Variants in SELP observed in about 807,000 individuals in gnomAD.
SELP encodes the protein P-selectin.
In SELP, 92 loss-of-function variants were observed where a neutral mutation model predicts 104.1. The ratio of observed to expected loss-of-function variants is 0.88; its 90% CI spans 0.75 to 1.05. The LOEUF is 1.05. SELP is among the 50% of genes least tolerant of loss of function. The pLI, the probability that SELP is intolerant of heterozygous loss-of-function variation, is 0.00. For synonymous variants in SELP, 397 were observed against 364.5 expected, an observed-to-expected ratio of 1.09 and a Z score of -1.01; for missense variants, 1,022 against 1,017.3, an observed-to-expected ratio of 1.00 and a Z score of -0.06.
intron 6 of SELP, 142 bp from the exon 7 acceptor site, chr1:169,611,819 G>A (rs1662552462): frequency 6.2e-6 from 5 of 800,582 alleles, no homozygotes; most frequent in Admixed American, 2.8e-5. Context: ...TGTTTGTCCA[G>A]ACTTGGATTA....
Position 169,606,980 on chromosome 1 carries a change from T to C in SELP, c.1488A>G (p.Gly496=), listed in dbSNP as rs1662234727. The change falls in exon 9 of 17, where the codon GGA becomes GGG. Residue 496 remains glycine, a synonymous_variant. Coordinates refer to ENST00000263686, the MANE Select transcript of SELP (RefSeq NM_003005.4). ...GASVLQCLAT[G]NWNSVPPECQ... ...ATTCTGGAGGAACAGAATTCCAGTT[T>C]CCAGTAGCCAAGCACTGTAGCACAC... The C allele has an allele frequency of 2.5e-6, 4 of 1,613,542 alleles. No homozygotes were observed. The highest frequency in any genetic ancestry group is 3.4e-6 in the Non-Finnish European group (4 of 1,179,732).
chr1:169,622,712 A>T (rs569461244), intron 1 of SELP, among the ~76,000 whole-genome samples: 160 of 152,248 alleles, frequency 1.1e-3, no homozygotes, highest in Non-Finnish European at 2.0e-3. Flanking sequence ...TTACAGTTGT[A>T]GAAAATTGAA....
chr1:169,600,861 A>G (rs1339068033), intron 10 of SELP, among the ~76,000 whole-genome samples: 1 of 152,210 alleles, frequency 6.6e-6, no homozygotes, highest in Non-Finnish European at 1.5e-5. Flanking sequence ...GGATCAGTCA[A>G]GGTTGATAAT....
intron 1 of SELP, among the ~76,000 whole-genome samples, chr1:169,627,897 T>C (rs541789302): frequency 6.6e-6 from 1 of 152,296 alleles, no homozygotes; most frequent in African/African-American, 2.4e-5. Flanking sequence ...ACTAAAACTT[T>C]TTTTTTGTTT....
chr1:169,617,044 G>A lies in SELP; in HGVS notation c.465C>T (p.His155=), dbSNP rs567520365. The change falls in exon 3 of 17, where the codon CAC becomes CAT. Residue 155 remains histidine, a synonymous_variant. Coordinates refer to ENST00000263686, the MANE Select transcript of SELP (RefSeq NM_003005.4). ...AGGCCCTACCTGTGTAACACAATGC[G>A]TGCTTTTTCTTCAAGCAGTGCTCAT... ...WNDEHCLKKK[H]ALCYTASCQD... 197 of 1,611,050 alleles carry A rather than the reference G, an allele frequency of 1.2e-4. 6 individuals are homozygous for A. In the South Asian group the frequency reaches 1.6e-3, roughly 13 times the overall value.
chr1:169,622,140 A>T (rs1663166485), intron 1 of SELP, among the ~76,000 whole-genome samples: 1 of 152,246 alleles, frequency 6.6e-6, no homozygotes, highest in Non-Finnish European at 1.5e-5. Flanking sequence ...TTGCCTTTGG[A>T]TATAAATACA....
At chr1:169,593,571 C>T (rs1661443546) in intron 14 of SELP, 34 bp downstream of exon 14, 1 of 1,597,762 alleles carries the variant, frequency 6.3e-7, no homozygotes, top group African/African-American at 1.3e-5. Flanking sequence ...ATTTATGTAA[C>T]CAAGATGCAA....
At chr1:169,611,798 G>A (rs1032013631) in intron 6 of SELP, 121 bp from the exon 7 acceptor site, 2 of 935,826 alleles carry the variant, frequency 2.1e-6, no homozygotes, top group African/African-American at 3.3e-5. Context: ...AAGGTCAAGA[G>A]ACCCTAATGA....
intron 3 of SELP, among the ~76,000 whole-genome samples, chr1:169,615,549 C>G (rs532982094): frequency 2.0e-5 from 3 of 152,154 alleles, no homozygotes; most frequent in Admixed American, 6.5e-5. Flanking sequence ...CATATTGAAA[C>G]AGCTAGTGGC....
At chr1:169,609,169 A>G (rs1662356873) in intron 8 of SELP, among the ~76,000 whole-genome samples, 1 of 152,180 alleles carries the variant, frequency 6.6e-6, no homozygotes, top group Non-Finnish European at 1.5e-5. Context: ...AGGAAGTGAC[A>G]GGACTGAGCT....
intron 3 of SELP, 59 bp downstream of exon 3, chr1:169,616,969 C>A (rs1470497191): frequency 6.1e-5 from 84 of 1,370,608 alleles, no homozygotes; most frequent in Admixed American, 3.0e-4. Flanking sequence ...GTTGGCCAAC[C>A]AGAGAAGGCA....
At chr1:169,608,152 T>C (rs1337078873) in intron 8 of SELP, among the ~76,000 whole-genome samples, 1 of 151,224 alleles carries the variant, frequency 6.6e-6, no homozygotes, top group African/African-American at 2.4e-5. Context: ...TTTTTCTTTT[T>C]TTTTTTTTTT....
chr1:169,601,152 G>C (rs2101881583), intron 10 of SELP, among the ~76,000 whole-genome samples: 1 of 152,336 alleles, frequency 6.6e-6, no homozygotes, highest in East Asian at 1.9e-4. Flanking sequence ...AATGTCAATG[G>C]AATAAATGAA....
intron 14 of SELP, among the ~76,000 whole-genome samples, chr1:169,591,809 T>C (rs1661368063): frequency 6.6e-6 from 1 of 152,112 alleles, no homozygotes. Flanking sequence ...TGGATGTTTT[T>C]CCTCCCTGGT....
intron 1 of SELP, among the ~76,000 whole-genome samples, chr1:169,627,543 ATTTACT>A (rs1362789446): frequency 6.6e-6 from 1 of 152,220 alleles, no homozygotes; most frequent in East Asian, 1.9e-4. Flanking sequence ...GAAGTTTCTG[ATTTACT>A]TTTTAATCAA....
At chr1:169,593,107 G>A (rs3917832) in intron 14 of SELP, among the ~76,000 whole-genome samples, 7,335 of 152,068 alleles carry the variant, frequency 0.048, 586 homozygotes, top group African/African-American at 0.16. Flanking sequence ...CTTCACTACC[G>A]GCACTGATTT....
intron 3 of SELP, among the ~76,000 whole-genome samples, chr1:169,615,535 G>A (rs1402740322): frequency 1.3e-5 from 2 of 152,150 alleles, no homozygotes; most frequent in Non-Finnish European, 2.9e-5. Context: ...AGGGGAAGTA[G>A]TGGCATATTG....
chr1:169,603,082 T>G lies in SELP; in HGVS notation c.1649A>C (p.Glu550Ala). 1 of 1,614,110 alleles carries G rather than the reference T, an allele frequency of 6.2e-7. No homozygotes were observed. Among genetic ancestry groups the G allele is most frequent in the Non-Finnish European group, 8.5e-7 (1 of 1,180,000 alleles). ...CDEGYSLSGP[E>A]RLDCTRSGRW... ...TCCCGATCGAGTACAATCCAATCTTTCTGGTCCAGACAAAGAATATCCCTC... is the reference window on the plus strand; with the variant it reads ...TCCCGATCGAGTACAATCCAATCTTGCTGGTCCAGACAAAGAATATCCCTC... The change falls in exon 10 of 17, where the codon GAA becomes GCA. Residue 550 changes from glutamate to alanine, a missense_variant. Physicochemically the swap from Glu to Ala is moderately radical, Grantham distance 107. Transcript: ENST00000263686.
chr1:169,619,631 C>T (rs1272321362), intron 1 of SELP, among the ~76,000 whole-genome samples: 2 of 152,184 alleles, frequency 1.3e-5, no homozygotes, highest in African/African-American at 4.8e-5. Context: ...TCCTGACCCA[C>T]ACAAATAATG....
Sources: allele counts gnomAD v4.1 joint callset (sites outside exome capture counted in the v4.1 genomes callset), GRCh38; gene constraint gnomAD v4.1.1; transcripts MANE v1.5; gene names NCBI Gene and HGNC (gene_info 2026-07-23, HGNC 2026-07-21).